The following NALF1 variants were observed in gnomAD, a reference collection of about 807,000 sequenced individuals.
NALF1 encodes the protein NALCN channel auxiliary factor 1.
In NALF1, 3 loss-of-function variants were observed where a neutral mutation model predicts 48.4. That is an observed-to-expected ratio of 0.06 (90% CI 0.03 to 0.16). NALF1 has a LOEUF of 0.16. Ranked by LOEUF, NALF1 falls within the 10% of genes least tolerant of loss-of-function variation. The pLI is 1.00. For synonymous variants in NALF1, 262 were observed against 245.7 expected (o/e 1.07, Z -0.62); for missense variants, 526 against 571.5 (o/e 0.92, Z 0.81).
chr13:107,866,804 T>C lies in NALF1; in HGVS notation c.-208A>G, dbSNP rs1880750233. On this transcript the variant is annotated 5_prime_UTR_variant, in exon 1 of 3. Transcript: ENST00000375915. This position sits in a 1 kb window ranked among gnomAD's most constrained non-coding sequence, Gnocchi z 4.4. ...TCTCTTTTATCTCTCTCTGTCTCTTTTGCCTACATAAATATTACCAGGCTT... is the reference window on the plus strand; with the variant it reads ...TCTCTTTTATCTCTCTCTGTCTCTTCTGCCTACATAAATATTACCAGGCTT... 2 of 580,588 alleles carry C rather than the reference T, an allele frequency of 3.4e-6. No homozygotes were observed. Among genetic ancestry groups the C allele is most frequent in the Non-Finnish European group, 6.1e-6 (2 of 330,158 alleles). 36.0% of individuals were successfully genotyped at this position (580,588 alleles called of 1,614,324 possible). A position where few individuals can be genotyped will look rare whatever the true frequency, so the allele number is the denominator to read the frequency against.
chr13:107,198,984 A>G (rs1453064025), intron 2 of NALF1, among the ~76,000 whole-genome samples: 1 of 152,320 alleles, frequency 6.6e-6, no homozygotes, highest in East Asian at 1.9e-4. Context: ...ATTTCACAAT[A>G]TGTGTGTGTA....
chr13:107,633,254 A>G (rs898402305), intron 1 of NALF1, among the ~76,000 whole-genome samples: 2 of 152,264 alleles, frequency 1.3e-5, no homozygotes, highest in Admixed American at 1.3e-4. Flanking sequence ...TATATAAAAC[A>G]CAATATAAGA....
chr13:107,343,768 G>A lies in NALF1; in HGVS notation c.916-133013C>T, dbSNP rs147143917. 3.9e-3 allele frequency among the ~76,000 whole-genome samples: 594 copies of A among 152,002 alleles called. 2 individuals are homozygous for A. Among genetic ancestry groups the A allele is most frequent in the African/African-American group, 9.8e-3 (407 of 41,456 alleles). ...GATAAAAACCTGCAATCAAAAGAACGATCTCAAATGAATAAGATTTATACC... is the reference window on the plus strand; with the variant it reads ...GATAAAAACCTGCAATCAAAAGAACAATCTCAAATGAATAAGATTTATACC... On this transcript the variant is annotated intron_variant, in intron 1 of 2. Coordinates refer to ENST00000375915, the MANE Select transcript of NALF1 (RefSeq NM_001080396.3).
At chr13:107,445,386 C>T (rs1167354645) in intron 1 of NALF1, among the ~76,000 whole-genome samples, 1 of 152,162 alleles carries the variant, frequency 6.6e-6, no homozygotes, top group African/African-American at 2.4e-5. Context: ...TTCTCTTGAC[C>T]TCCATCCATT....
intron 1 of NALF1, among the ~76,000 whole-genome samples, chr13:107,356,328 G>A (rs1882963335): frequency 6.6e-6 from 1 of 152,008 alleles, no homozygotes; most frequent in Admixed American, 6.6e-5. Flanking sequence ...AACAACATAA[G>A]GATGCTCAAT....
At chr13:107,340,486 TTTTTG>T (rs1435428010) in intron 1 of NALF1, among the ~76,000 whole-genome samples, 5 of 29,524 alleles carry the variant, frequency 1.7e-4, no homozygotes, top group African/African-American at 2.4e-4. Context: ...TCTTTCTTTC[TTTTTG>T]TCTTTCTTTC....
chr13:107,363,071 C>T (rs1883092885), intron 1 of NALF1, among the ~76,000 whole-genome samples: 1 of 152,088 alleles, frequency 6.6e-6, no homozygotes, highest in East Asian at 1.9e-4. Flanking sequence ...ATAATTAAGT[C>T]CTTCAATACT....
intron 1 of NALF1, among the ~76,000 whole-genome samples, chr13:107,317,363 C>G (rs991582222): frequency 1.6e-4 from 24 of 152,160 alleles, no homozygotes; most frequent in African/African-American, 5.5e-4. Context: ...CGATTTTTAA[C>G]AAAACCATTC....
At chr13:107,347,313 C>G (rs1882791196) in intron 1 of NALF1, among the ~76,000 whole-genome samples, 2 of 152,246 alleles carry the variant, frequency 1.3e-5, no homozygotes, top group Non-Finnish European at 2.9e-5. Context: ...ACACCACCAA[C>G]TGTGTAGCAC....
chr13:107,217,130 T>C (rs1879889762), intron 1 of NALF1, among the ~76,000 whole-genome samples: 1 of 152,202 alleles, frequency 6.6e-6, no homozygotes, highest in Admixed American at 6.5e-5. Context: ...TATCTTTCAC[T>C]TCATCTCACT....
chr13:107,507,782 C>T (rs1875751895), intron 1 of NALF1, among the ~76,000 whole-genome samples: 1 of 152,098 alleles, frequency 6.6e-6, no homozygotes, highest in East Asian at 1.9e-4. Flanking sequence ...ATAACTAGAC[C>T]TGATGCTCAA....
chr13:107,776,294 A>T (rs1877728008), intron 1 of NALF1, among the ~76,000 whole-genome samples: 2 of 151,990 alleles, frequency 1.3e-5, no homozygotes, highest in South Asian at 2.1e-4. Context: ...TTCTTGGGTA[A>T]TTTTTTTTAA....
At chr13:107,365,609 C>A (rs1336831376) in intron 1 of NALF1, among the ~76,000 whole-genome samples, 2 of 152,082 alleles carry the variant, frequency 1.3e-5, no homozygotes, top group African/African-American at 4.8e-5. Flanking sequence ...TTCAACGGTT[C>A]CAGGGAATGG....
At chr13:107,524,837 T>C (rs1462577804) in intron 1 of NALF1, among the ~76,000 whole-genome samples, 2 of 152,132 alleles carry the variant, frequency 1.3e-5, no homozygotes, top group Non-Finnish European at 2.9e-5. Flanking sequence ...ATATAATATT[T>C]ACGCATTCTC....
Position 107,855,248 on chromosome 13 carries a change from T to A in NALF1, c.915+10434A>T, listed in dbSNP as rs576650194. On this transcript the variant is annotated intron_variant, in intron 1 of 2. Coordinates refer to ENST00000375915, the MANE Select transcript of NALF1 (RefSeq NM_001080396.3). The stretch of plus-strand genomic sequence containing the variant: ...AAGGCCTCTCTGACTCTTAAGCCTA[T>A]GCTCATTCCTTACACCAAGATTGTC... Among the ~76,000 whole-genome samples the A allele has an allele frequency of 5.3e-5, 8 of 152,350 alleles. No individual in the cohort carries two copies. In the South Asian group the frequency reaches 1.7e-3, roughly 32 times the overall value.
intron 1 of NALF1, among the ~76,000 whole-genome samples, chr13:107,724,196 T>C (rs945920181): frequency 6.6e-6 from 1 of 152,164 alleles, no homozygotes; most frequent in African/African-American, 2.4e-5. Context: ...CATCAGTTGC[T>C]TTTCCCTTTT....
At chr13:107,494,953 T>C (rs1033541903) in intron 1 of NALF1, among the ~76,000 whole-genome samples, 3 of 152,206 alleles carry the variant, frequency 2.0e-5, no homozygotes, top group African/African-American at 7.2e-5. Context: ...GAGTAGAGCA[T>C]AAGACAAGCA....
At chr13:107,740,546 A>G (rs1456689011) in intron 1 of NALF1, among the ~76,000 whole-genome samples, 1 of 152,230 alleles carries the variant, frequency 6.6e-6, no homozygotes, top group African/African-American at 2.4e-5. Context: ...ATTCATCACA[A>G]TCTTTCAGAC....
intron 1 of NALF1, among the ~76,000 whole-genome samples, chr13:107,828,023 T>C (rs553541351): frequency 6.6e-6 from 1 of 152,206 alleles, no homozygotes; most frequent in Non-Finnish European, 1.5e-5. Context: ...ACTTCTACCC[T>C]GAAGCTGGCT....
Sources: gnomAD v4.1 joint callset for allele counts (sites outside exome capture counted in the v4.1 genomes callset) on GRCh38, gnomAD v4.1.1 for gene constraint, Gnocchi (gnomAD v3.1) non-coding constraint, MANE v1.5 for transcripts, NCBI Gene and HGNC (gene_info 2026-07-23, HGNC 2026-07-21) for gene names.